PEAK1: variants seen among roughly 807,000 people sequenced by gnomAD.
The protein encoded by PEAK1 is pseudopodium enriched atypical kinase 1, also known as inactive tyrosine-protein kinase PEAK1.
A neutral mutation model predicts 124.7 loss-of-function variants in PEAK1; 54 were observed. The observed-to-expected ratio is 0.43, with a 90% CI of 0.35 to 0.54. The LOEUF (loss-of-function observed/expected upper bound fraction) is 0.54. Ranked by LOEUF, PEAK1 falls within the 20% of genes least tolerant of loss-of-function variation. The pLI is 0.01. For synonymous variants in PEAK1, 719 were observed against 760.0 expected, an observed-to-expected ratio of 0.95 and a Z score of 0.89; for missense variants, 2,046 against 2,134.5, an observed-to-expected ratio of 0.96 and a Z score of 0.82.
At chr15:77,144,616 A>ATCTTC (rs2054038791) in intron 8 of PEAK1, among the ~76,000 whole-genome samples, 1 of 152,238 alleles carries the variant, frequency 6.6e-6, no homozygotes, top group Non-Finnish European at 1.5e-5. Context: ...AAGGAAATAA[A>ATCTTC]GATAAGTAAT....
intron 1 of PEAK1, among the ~76,000 whole-genome samples, chr15:77,389,905 G>A (rs2070307368): frequency 6.6e-6 from 1 of 152,114 alleles, no homozygotes; most frequent in Admixed American, 6.5e-5. Context: ...AGCAGAAATG[G>A]GATTAGTGTA....
intron 1 of PEAK1, chr15:77,418,967 CTAAG>C (rs1240216504): frequency 1.0e-6 from 1 of 985,060 alleles, no homozygotes; most frequent in Non-Finnish European, 1.2e-6. Flanking sequence ...ATGTAAGTCT[CTAAG>C]TATTTAATTC....
At chr15:77,134,499 T>C (rs1256909127) in intron 8 of PEAK1, among the ~76,000 whole-genome samples, 3 of 152,226 alleles carry the variant, frequency 2.0e-5, no homozygotes, top group Non-Finnish European at 4.4e-5. Flanking sequence ...ATATACATTG[T>C]GATTTGAGAG....
At chr15:77,314,686 T>C (rs1387593154) in intron 2 of PEAK1, among the ~76,000 whole-genome samples, 1 of 152,126 alleles carries the variant, frequency 6.6e-6, no homozygotes, top group East Asian at 1.9e-4. Context: ...ATTTTCTAGA[T>C]GACTGAATAA....
At chr15:77,158,312 G>A (rs1456132668) in intron 8 of PEAK1, 191 bp downstream of exon 8, 1 of 580,974 alleles carries the variant, frequency 1.7e-6, no homozygotes, top group Non-Finnish European at 3.1e-6. Context: ...CAGGGCTCAT[G>A]GGTGCAGGTG....
At chr15:77,414,007 G>A (rs929374482) in intron 1 of PEAK1, among the ~76,000 whole-genome samples, 1 of 151,658 alleles carries the variant, frequency 6.6e-6, no homozygotes, top group Non-Finnish European at 1.5e-5. Context: ...ATAGTTTTTA[G>A]AGATGAGGCC....
intron 2 of PEAK1, among the ~76,000 whole-genome samples, chr15:77,300,852 T>G (rs2063750822): frequency 1.3e-5 from 2 of 152,028 alleles, no homozygotes; most frequent in African/African-American, 4.8e-5. Context: ...ATTATTTATT[T>G]ATTTATTTAT....
chr15:77,416,548 A>T (rs1313970170), intron 1 of PEAK1, among the ~76,000 whole-genome samples: 2 of 152,150 alleles, frequency 1.3e-5, no homozygotes, highest in African/African-American at 2.4e-5. Context: ...ACCACAGCAT[A>T]ATTTTTTTTC....
At chr15:77,206,706 C>T (rs2058676321) in intron 6 of PEAK1, among the ~76,000 whole-genome samples, 1 of 151,284 alleles carries the variant, frequency 6.6e-6, no homozygotes, top group Non-Finnish European at 1.5e-5. Context: ...TGTTTGAGTT[C>T]ATTGTAGATT....
chr15:77,208,959 T>C (rs1465651608), intron 6 of PEAK1, among the ~76,000 whole-genome samples: 1 of 152,218 alleles, frequency 6.6e-6, no homozygotes, highest in Non-Finnish European at 1.5e-5. Flanking sequence ...TTTCTTTCCA[T>C]TGTACTAATT....
chr15:77,412,521 A>G (rs773570055), intron 1 of PEAK1, among the ~76,000 whole-genome samples: 1 of 152,192 alleles, frequency 6.6e-6, no homozygotes, highest in African/African-American at 2.4e-5. Flanking sequence ...CTGTATCAAA[A>G]CATATCCAGT....
At position 77,158,568 on chromosome 15, in the gene PEAK1, T is replaced by A. The variant is rs1596396548; in HGVS notation, c.3266A>T (p.Asp1089Val). 2 of 1,614,212 alleles carry A rather than the reference T, an allele frequency of 1.2e-6. No homozygotes were observed. Among genetic ancestry groups the A allele is most frequent in the African/African-American group, 2.7e-5 (2 of 75,066 alleles). ...ALSLPELERE[D>V]GKEDISDPMD... ...AGGATCTGAAATGTCTTCTTTTCCATCTTCCCTTTCCAGTTCAGGTAGGGA... is the reference window on the plus strand; with the variant it reads ...AGGATCTGAAATGTCTTCTTTTCCAACTTCCCTTTCCAGTTCAGGTAGGGA... Residue 1089 changes from aspartate to valine, a missense_variant, in exon 8 of 10, where the codon GAT (aspartate) becomes GTT (valine). Coordinates refer to ENST00000682557, the MANE Select transcript of PEAK1 (RefSeq NM_001385026.1).
At chr15:77,184,845 C>T (rs895566484) in intron 6 of PEAK1, among the ~76,000 whole-genome samples, 3 of 152,074 alleles carry the variant, frequency 2.0e-5, no homozygotes, top group African/African-American at 7.2e-5. Flanking sequence ...TGCAGTGAGC[C>T]GAGGTTGCAT....
chr15:77,370,585 G>C (rs1226871443), intron 1 of PEAK1: 5 of 501,484 alleles, frequency 1.0e-5, no homozygotes, highest in Admixed American at 6.4e-5. Context: ...TGATGACACA[G>C]AGAATGCCCT....
chr15:77,296,228 A>G (rs1469835445), intron 2 of PEAK1, among the ~76,000 whole-genome samples: 1 of 152,220 alleles, frequency 6.6e-6, no homozygotes, highest in Non-Finnish European at 1.5e-5. Flanking sequence ...AATTACCCTT[A>G]CCTAAAATGG....
rs569746943 is a variant in PEAK1 at position 77,131,303 on chromosome 15, G to C, written c.4077+1702C>G. 4.7e-3 allele frequency among the ~76,000 whole-genome samples: 719 copies of C among 152,256 alleles called. 4 individuals carry two copies. Among genetic ancestry groups the C allele is most frequent in the African/African-American group, 0.016 (665 of 41,544 alleles). On this transcript the variant is annotated intron_variant, in intron 9 of 9. Coordinates refer to ENST00000682557, the MANE Select transcript of PEAK1 (RefSeq NM_001385026.1). ...GAGGTCAAGAGATTGAGACCATCTG[G>C]CCAACACGGTGAAACCCCGTGTCTA...
At chr15:77,187,057 G>T (rs958134428) in intron 6 of PEAK1, among the ~76,000 whole-genome samples, 24 of 152,192 alleles carry the variant, frequency 1.6e-4, no homozygotes, top group African/African-American at 5.5e-4. Context: ...TTATTTGCCA[G>T]AACAGGTCTG....
chr15:77,237,424 T>G (rs1165875759), intron 6 of PEAK1, among the ~76,000 whole-genome samples: 5 of 141,544 alleles, frequency 3.5e-5, no homozygotes, highest in African/African-American at 1.2e-4. Flanking sequence ...ATTCCTGCTA[T>G]TTAAACTTTT....
intron 5 of PEAK1, among the ~76,000 whole-genome samples, chr15:77,264,035 C>T (rs1022043700): frequency 3.9e-5 from 6 of 152,136 alleles, no homozygotes; most frequent in Admixed American, 2.0e-4. Flanking sequence ...GCAGAAAAGG[C>T]CTTTGACAAA....
Sources: gnomAD v4.1 joint callset for allele counts (sites outside exome capture counted in the v4.1 genomes callset) on GRCh38, gnomAD v4.1.1 for gene constraint, MANE v1.5 for transcripts, NCBI Gene and HGNC (gene_info 2026-07-23, HGNC 2026-07-21) for gene names.